Variants in DPP10 observed in about 807,000 individuals in gnomAD.
DPP10 encodes dipeptidyl peptidase like 10.
DPP10 carries 33 observed loss-of-function variants against 120.9 expected under a neutral mutation model. That is an observed-to-expected ratio of 0.27 (90% CI 0.21 to 0.37). DPP10 has a LOEUF of 0.37. Among genes scored for constraint, DPP10 ranks in the 10% least tolerant of loss-of-function variants. The pLI, the probability that DPP10 is intolerant of heterozygous loss-of-function variation, is 1.00. For synonymous variants in DPP10, 337 were observed against 326.1 expected (o/e 1.03, Z -0.36); for missense variants, 816 against 942.8 (o/e 0.87, Z 1.76).
At chr2:115,800,143 G>A (rs1685020528) in intron 19 of DPP10, among the ~76,000 whole-genome samples, 2 of 151,506 alleles carry the variant, frequency 1.3e-5, no homozygotes, top group African/African-American at 4.9e-5. Flanking sequence ...GGTGTGAGAT[G>A]GTATCTCATT....
chr2:115,802,082 A>G (rs1422575267), intron 19 of DPP10, among the ~76,000 whole-genome samples: 1 of 152,074 alleles, frequency 6.6e-6, no homozygotes, highest in African/African-American at 2.4e-5. Context: ...TTTGGTTGGT[A>G]AGCTATTAAT....
chr2:115,041,268 C>T (rs915257155), intron 1 of DPP10, among the ~76,000 whole-genome samples: 8 of 152,060 alleles, frequency 5.3e-5, no homozygotes, highest in African/African-American at 9.7e-5. Flanking sequence ...TGAACTAATA[C>T]ACCTGGCGAA....
At chr2:115,778,130 G>A (rs1159069873) in intron 15 of DPP10, among the ~76,000 whole-genome samples, 1 of 152,028 alleles carries the variant, frequency 6.6e-6, no homozygotes, top group African/African-American at 2.4e-5. Flanking sequence ...ACATCAGAGA[G>A]ATTTACGTAT....
chr2:114,494,115 A>AGAAC, intron 1 of DPP10, among the ~76,000 whole-genome samples: 1 of 142,546 alleles, frequency 7.0e-6, no homozygotes, highest in East Asian at 2.1e-4. Context: ...AAAAAAAAAA[A>AGAAC]AAAAAACCCA....
At position 115,377,064 on chromosome 2, in the gene DPP10, C is replaced by A. The variant is rs1574615522; in HGVS notation, c.271+33152C>A. On this transcript the variant is annotated intron_variant, in intron 3 of 25. Transcript: ENST00000410059. ...TGATTTATAGTCCTTTGGGTATATA[C>A]CCAGTAATGGGATTGCTGGGTCAAA... 3.3e-5 allele frequency among the ~76,000 whole-genome samples: 5 copies of A among 151,532 alleles called. No homozygotes were observed. The East Asian group carries it at 9.7e-4, about 29-fold the overall frequency.
chr2:115,289,750 A>T (rs997012367), intron 1 of DPP10, among the ~76,000 whole-genome samples: 4 of 152,162 alleles, frequency 2.6e-5, no homozygotes, highest in African/African-American at 4.8e-5. Flanking sequence ...CACTGGGGAA[A>T]GGACACCCTA....
chr2:114,916,287 A>T lies in DPP10; in HGVS notation c.61-392952A>T, dbSNP rs577363136. Reference sequence around the variant, plus strand: ...TAAGATTGAACCAAGAAGAAACAGAATACCTGAACAGACCAAGAATGAGCT... The same window carrying T: ...TAAGATTGAACCAAGAAGAAACAGATTACCTGAACAGACCAAGAATGAGCT... On this transcript the variant is annotated intron_variant, in intron 1 of 25. Transcript: ENST00000410059. Among the ~76,000 whole-genome samples, 55 of 152,292 alleles carry T rather than the reference A, an allele frequency of 3.6e-4. 1 individual carries two copies. In the South Asian group the frequency reaches 0.011, roughly 30 times the overall value.
chr2:115,092,380 C>T (rs978853137), intron 1 of DPP10, among the ~76,000 whole-genome samples: 1 of 152,158 alleles, frequency 6.6e-6, no homozygotes, highest in Admixed American at 6.5e-5. Context: ...AATCTTGTAT[C>T]TTATCCTTCC....
chr2:114,746,601 G>A (rs1234311995), intron 1 of DPP10, among the ~76,000 whole-genome samples: 1 of 152,184 alleles, frequency 6.6e-6, no homozygotes, highest in Admixed American at 6.5e-5. Context: ...GGAGCCTAGG[G>A]TGATTGCAGG....
intron 1 of DPP10, among the ~76,000 whole-genome samples, chr2:115,249,384 C>T (rs1265360769): frequency 6.6e-6 from 1 of 152,038 alleles, no homozygotes; most frequent in African/African-American, 2.4e-5. Flanking sequence ...AAATATGGTG[C>T]CTTCCAAATA....
At chr2:115,274,227 A>T (rs1180740328) in intron 1 of DPP10, among the ~76,000 whole-genome samples, 3 of 152,186 alleles carry the variant, frequency 2.0e-5, no homozygotes, top group African/African-American at 7.2e-5. Flanking sequence ...TTGAGAATAC[A>T]GCCTGATTGT....
chr2:115,237,434 T>A (rs2058059681), intron 1 of DPP10, among the ~76,000 whole-genome samples: 1 of 152,084 alleles, frequency 6.6e-6, no homozygotes, highest in African/African-American at 2.4e-5. Flanking sequence ...GCCTCCATAC[T>A]CCCTGATACA....
At chr2:115,131,457 G>A (rs1297044668) in intron 1 of DPP10, among the ~76,000 whole-genome samples, 3 of 152,106 alleles carry the variant, frequency 2.0e-5, no homozygotes, top group Non-Finnish European at 2.9e-5. Context: ...AGGCTGCAGT[G>A]AGCCCTGATT....
At chr2:115,384,609 A>T (rs538355827) in intron 3 of DPP10, among the ~76,000 whole-genome samples, 1 of 141,658 alleles carries the variant, frequency 7.1e-6, no homozygotes, top group Non-Finnish European at 1.6e-5. Flanking sequence ...GAGGAAGAAG[A>T]AGTGAAGGAA....
intron 1 of DPP10, among the ~76,000 whole-genome samples, chr2:114,619,044 A>G (rs1050129284): frequency 3.5e-4 from 53 of 151,990 alleles, no homozygotes; most frequent in Non-Finnish European, 6.5e-4. Context: ...ATGGGAAAGG[A>G]AAGACACTGT....
chr2:115,564,978 G>C (rs912267603), intron 5 of DPP10, among the ~76,000 whole-genome samples: 2 of 152,090 alleles, frequency 1.3e-5, no homozygotes, highest in Non-Finnish European at 2.9e-5. Flanking sequence ...CATTGGGAGA[G>C]GGTGAGTGAT....
At chr2:114,462,464 T>G (rs558348456) in intron 1 of DPP10, among the ~76,000 whole-genome samples, 4 of 152,346 alleles carry the variant, frequency 2.6e-5, no homozygotes, top group Non-Finnish European at 5.9e-5. Context: ...CCTTGGCAGT[T>G]TTGAGAAGTA....
intron 5 of DPP10, among the ~76,000 whole-genome samples, chr2:115,687,332 T>TA (rs1029149466): frequency 6.6e-6 from 1 of 152,066 alleles, no homozygotes; most frequent in Non-Finnish European, 1.5e-5. Context: ...TATTGAAAGT[T>TA]AAAAAACAGG....
At chr2:115,708,127 G>A (rs1416676894) in intron 7 of DPP10, among the ~76,000 whole-genome samples, 2 of 151,964 alleles carry the variant, frequency 1.3e-5, no homozygotes, top group Non-Finnish European at 2.9e-5. Flanking sequence ...AATAGGGAAA[G>A]CAATATGTTA....
Sources: gnomAD v4.1 joint callset for allele counts (sites outside exome capture counted in the v4.1 genomes callset) on GRCh38, gnomAD v4.1.1 for gene constraint, MANE v1.5 for transcripts, NCBI Gene and HGNC (gene_info 2026-07-23, HGNC 2026-07-21) for gene names.